PDE3B: variants seen among roughly 807,000 people sequenced by gnomAD.
PDE3B encodes the protein cGMP-inhibited 3',5'-cyclic phosphodiesterase 3B.
Under a neutral mutation model 116.8 loss-of-function variants are expected in PDE3B, and 66 were observed. The observed-to-expected ratio is 0.56, with a 90% CI of 0.46 to 0.69. The LOEUF (loss-of-function observed/expected upper bound fraction) is 0.69. Ranked by LOEUF, PDE3B falls within the 30% of genes least tolerant of loss-of-function variation. The probability of loss-of-function intolerance (pLI) is 0.00; values close to 1 mark genes in which losing one functional copy is unlikely to be tolerated. For missense variants in PDE3B, 1,384 were observed against 1,368.1 expected, an observed-to-expected ratio of 1.01 and a Z score of -0.18; for synonymous variants, 595 against 533.6, an observed-to-expected ratio of 1.12 and a Z score of -1.59.
intron 1 of PDE3B, among the ~76,000 whole-genome samples, chr11:14,663,807 A>G (rs373703453): frequency 2.3e-4 from 35 of 152,338 alleles, no homozygotes; most frequent in East Asian, 9.6e-4. Context: ...TTAGACTCCC[A>G]CACAATAATA....
At chr11:14,781,848 G>A (rs773826410) in intron 2 of PDE3B, among the ~76,000 whole-genome samples, 12 of 152,046 alleles carry the variant, frequency 7.9e-5, no homozygotes, top group Non-Finnish European at 1.6e-4. Flanking sequence ...AAGGTATTCA[G>A]TTAGGAAAAG....
At chr11:14,791,451 A>T (rs1402372973) in intron 4 of PDE3B, among the ~76,000 whole-genome samples, 1 of 152,058 alleles carries the variant, frequency 6.6e-6, no homozygotes, top group Non-Finnish European at 1.5e-5. Context: ...CAATGCTGCT[A>T]TCCTCTAGTG....
At chr11:14,668,025 G>C (rs1380939590) in intron 1 of PDE3B, among the ~76,000 whole-genome samples, 1 of 150,814 alleles carries the variant, frequency 6.6e-6, no homozygotes, top group East Asian at 1.9e-4. Flanking sequence ...CTTAATTAAT[G>C]CAAGAGTAAA....
intron 1 of PDE3B, among the ~76,000 whole-genome samples, chr11:14,703,434 C>T: frequency 1.3e-5 from 2 of 149,268 alleles, no homozygotes; most frequent in East Asian, 2.0e-4. Context: ...TTTTTAATAC[C>T]AGGAATCTTT....
intron 1 of PDE3B, among the ~76,000 whole-genome samples, chr11:14,695,956 A>G (rs527731156): frequency 1.3e-5 from 2 of 152,178 alleles, no homozygotes; most frequent in African/African-American, 2.4e-5. Flanking sequence ...GCTATTGTGA[A>G]TCGTGCTGCA....
At chr11:14,731,947 T>A (rs1036993958) in intron 1 of PDE3B, among the ~76,000 whole-genome samples, 3 of 152,112 alleles carry the variant, frequency 2.0e-5, no homozygotes, top group Non-Finnish European at 4.4e-5. Context: ...GGAGGAAAAT[T>A]AAGCAAGGAA....
At chr11:14,663,322 A>G (rs1221079094) in intron 1 of PDE3B, among the ~76,000 whole-genome samples, 1 of 152,292 alleles carries the variant, frequency 6.6e-6, no homozygotes, top group South Asian at 2.1e-4. Flanking sequence ...TAAACATGGA[A>G]AGGAACAACC....
intron 1 of PDE3B, among the ~76,000 whole-genome samples, chr11:14,737,762 T>TCCCCC (rs71044023): frequency 8.9e-6 from 1 of 112,368 alleles, no homozygotes; most frequent in Non-Finnish European, 1.8e-5. Context: ...TGCTATCCCT[T>TCCCCC]CCCCCCTCCC....
At chr11:14,879,297 T>G in the PDE3B span, 1 of 1,613,254 alleles carries the variant, frequency 6.2e-7, no homozygotes, top group Non-Finnish European at 8.5e-7. Context: ...TCTTCAGAGG[T>G]TGCATGGAAA....
intron 2 of PDE3B, chr11:14,774,402 T>G (rs1857726911): frequency 6.6e-6 from 1 of 152,206 alleles, no homozygotes; most frequent in South Asian, 2.1e-4. Flanking sequence ...CAATATTATA[T>G]AAATTTCAAT....
intron 1 of PDE3B, among the ~76,000 whole-genome samples, chr11:14,763,021 ACATTTG>A (rs1431069575): frequency 6.6e-6 from 1 of 152,204 alleles, no homozygotes; most frequent in Non-Finnish European, 1.5e-5. Flanking sequence ...AGATACATAT[ACATTTG>A]TGAGTCATTA....
At position 14,843,811 on chromosome 11, in the gene PDE3B, A is replaced by C; in HGVS notation, c.2321-16A>C. On this transcript the variant is annotated splice_polypyrimidine_tract_variant and intron_variant, in intron 11 of 15. Coordinates refer to ENST00000282096, the MANE Select transcript of PDE3B (RefSeq NM_000922.4). ...TGTGCTAATGCTGGTTTATTTTGCT[A>C]TTTATTGTTTCTCAGATTCTGATGG... 6.2e-7 allele frequency: 1 copy of C among 1,603,726 alleles called. No individual in the cohort carries two copies. Among genetic ancestry groups the C allele is most frequent in the Non-Finnish European group, 8.5e-7 (1 of 1,170,610 alleles).
At chr11:14,820,416 G>T (rs1357394621) in intron 7 of PDE3B, among the ~76,000 whole-genome samples, 4 of 152,066 alleles carry the variant, frequency 2.6e-5, no homozygotes, top group African/African-American at 7.2e-5. Flanking sequence ...CAAATTTATA[G>T]AGACAATAAT....
intron 2 of PDE3B, among the ~76,000 whole-genome samples, chr11:14,783,903 G>T (rs1039036312): frequency 6.6e-6 from 1 of 152,208 alleles, no homozygotes; most frequent in Non-Finnish European, 1.5e-5. Flanking sequence ...TCTGTGGCCT[G>T]TTAGGAACTG....
chr11:14,892,497 A>C, the PDE3B span, among the ~76,000 whole-genome samples: 1 of 152,204 alleles, frequency 6.6e-6, no homozygotes. Flanking sequence ...AAGGGCATTG[A>C]CGAGGTGTCA....
rs1590187745 is a variant in PDE3B, at chr11:14,844,023, T to C, written c.2517T>C (p.Pro839=). The C allele has an allele frequency of 1.2e-6, 2 of 1,611,696 alleles. No homozygotes were observed. The highest frequency in any genetic ancestry group is 1.7e-6 in the Non-Finnish European group (2 of 1,177,914). ...CATTTCTAGTGGCTACAAATGCCCC[T>C]CAGGTAGGAAATATTTTTAAGAACC... ...TNAFLVATNA[P]QAVLYNDRSV... is the part of the protein sequence containing the mutation. Residue 839 remains proline (P), a synonymous_variant, in exon 12 of 16, where the codon CCT becomes CCC. Coordinates refer to ENST00000282096, the MANE Select transcript of PDE3B (RefSeq NM_000922.4).
chr11:14,742,704 C>G (rs1856805303), intron 1 of PDE3B, among the ~76,000 whole-genome samples: 1 of 152,048 alleles, frequency 6.6e-6, no homozygotes, highest in African/African-American at 2.4e-5. Flanking sequence ...CTGGTTTCTC[C>G]CCATCTTTGT....
Position 14,850,775 on chromosome 11 carries a change from G to A in PDE3B, c.2520+6749G>A, listed in dbSNP as rs554791951. Among the ~76,000 whole-genome samples, 15 of 152,172 alleles carry A rather than the reference G, an allele frequency of 9.9e-5. No individual in the cohort carries two copies. The South Asian group carries it at 3.1e-3, about 32-fold the overall frequency. On this transcript the variant is annotated intron_variant, in intron 12 of 15. Coordinates refer to ENST00000282096, the MANE Select transcript of PDE3B (RefSeq NM_000922.4). ...CAAGAGTTCTCAACAAATAGATACT[G>A]TAATTGCAATAGCTTTAAACATTAG...
chr11:14,811,114 A>C (rs1859112787), intron 5 of PDE3B, among the ~76,000 whole-genome samples: 2 of 151,990 alleles, frequency 1.3e-5, no homozygotes, highest in African/African-American at 2.4e-5. Flanking sequence ...CCCATTTTGT[A>C]GGTTGCCTGT....
Sources: allele counts gnomAD v4.1 joint callset (sites outside exome capture counted in the v4.1 genomes callset), GRCh38; gene constraint gnomAD v4.1.1; transcripts MANE v1.5; gene names NCBI Gene and HGNC (gene_info 2026-07-23, HGNC 2026-07-21).